Variants in TNFAIP3 observed in about 807,000 individuals in gnomAD.
TNFAIP3 encodes TNF alpha induced protein 3, also known as tumor necrosis factor alpha-induced protein 3.
In TNFAIP3, 9 loss-of-function variants were observed where a neutral mutation model predicts 72.4. That is an observed-to-expected ratio of 0.12 (90% confidence interval 0.07 to 0.22). The LOEUF (loss-of-function observed/expected upper bound fraction) is 0.22, where lower values mean the gene tolerates loss of function less well. TNFAIP3 is among the 10% of genes least tolerant of loss of function. The probability of loss-of-function intolerance (pLI) is 1.00; values close to 1 mark genes in which losing one functional copy is unlikely to be tolerated. For missense variants in TNFAIP3, 833 were observed against 1,018.7 expected (o/e 0.82, Z 2.48); for synonymous variants, 339 against 372.6 (o/e 0.91, Z 1.04).
Position 137,879,259 on chromosome 6 carries a change from G to C in TNFAIP3, c.1814G>C (p.Ser605Thr). Residue 605 changes from serine (S) to threonine (T), a missense_variant, in exon 7 of 9, where the codon AGC becomes ACC. Ser to Thr is a moderately conservative substitution (Grantham distance 58, BLOSUM62 1). Around this residue, in one of 2 missense-constraint regions of TNFAIP3, gnomAD observed 587 missense variants for 657.8 expected, o/e 0.89. Coordinates refer to ENST00000612899, the MANE Select transcript of TNFAIP3 (RefSeq NM_001270508.2). ...ACTCCTGGGGACAGGACGGGGACGAGCAAGTGCAGAAAAGCCGGCTGCGTG... is the reference window on the plus strand; with the variant it reads ...ACTCCTGGGGACAGGACGGGGACGACCAAGTGCAGAAAAGCCGGCTGCGTG... Reference protein sequence around the residue: ...ARTPGDRTGTSKCRKAGCVYF... With the variant: ...ARTPGDRTGTTKCRKAGCVYF... 1 of 1,614,208 alleles carries C rather than the reference G, an allele frequency of 6.2e-7. No individual in the cohort carries two copies.
chr6:137,869,111 G>A (rs954604207), intron 1 of TNFAIP3, among the ~76,000 whole-genome samples: 3 of 152,216 alleles, frequency 2.0e-5, no homozygotes, highest in Non-Finnish European at 4.4e-5. Flanking sequence ...GCAAGGGGCA[G>A]GTATTGAAAG....
chr6:137,881,040 G>C lies in TNFAIP3; in HGVS notation c.2094G>C (p.Ser698=). Residue 698 remains serine (S), a synonymous_variant, in exon 9 of 9, where the codon TCG becomes TCC. Coordinates refer to ENST00000612899, the MANE Select transcript of TNFAIP3 (RefSeq NM_001270508.2). This position sits in a 1 kb window ranked among gnomAD's most constrained non-coding sequence, Gnocchi z 5.0. ...EAKRTEEQLR[S]SQRRDVPRTT... is the part of the protein sequence containing the mutation. ...TGCCTGTTCTTTCCACTCAGAGATC[G>C]AGCCAGCGCAGAGATGTGCCTCGAA... 6.3e-7 allele frequency: 1 copy of C among 1,589,390 alleles called. No individual in the cohort carries two copies. The highest frequency in any genetic ancestry group is 8.6e-7 in the Non-Finnish European group (1 of 1,165,240).
rs5029941 is a variant in TNFAIP3, at chr6:137,874,923, C to T, written c.374C>T (p.Ala125Val). Reference sequence around the variant, plus strand: ...GACACAGACTTGGTACTGAGGAAGGCGCTGTTCAGCACGCTCAAGGAAACA... The same window carrying T: ...GACACAGACTTGGTACTGAGGAAGGTGCTGTTCAGCACGCTCAAGGAAACA... ...VQDTDLVLRK[A>V]LFSTLKETDT... Residue 125 changes from alanine (A) to valine (V), a missense_variant, in exon 3 of 9, where the codon GCG (alanine) becomes GTG (valine). By Grantham distance (64) the Ala-to-Val change is moderately conservative (BLOSUM62 0). Transcript: ENST00000612899. 1,509 of 1,614,222 alleles carry T rather than the reference C, an allele frequency of 9.3e-4. 15 individuals carry two copies. The African/African-American group carries it at 0.018, about 19-fold the overall frequency.
At chr6:137,868,856 G>T (rs1301194681) in intron 1 of TNFAIP3, among the ~76,000 whole-genome samples, 1 of 152,170 alleles carries the variant, frequency 6.6e-6, no homozygotes, top group Non-Finnish European at 1.5e-5. Context: ...GCTGTGCAAG[G>T]CTAACCCTAC....
Position 137,867,539 on chromosome 6 carries a change from AGAGGTAACCGCC to A in TNFAIP3, c.-17_-16+10del, listed in dbSNP as rs1431775723. The A allele has an allele frequency of 1.4e-5, 2 of 144,366 alleles. No homozygotes were observed. Among genetic ancestry groups the A allele is most frequent in the African/African-American group, 5.4e-5 (2 of 37,020 alleles). The allele number at this position is 144,366 out of a possible 1,614,324, so 8.9% of individuals were successfully genotyped here. On this transcript the variant is annotated splice_donor_variant and splice_donor_5th_base_variant and 5_prime_UTR_variant and intron_variant, in exon 1 of 9. Transcript: ENST00000612899. LOFTEE classifies it low-confidence loss of function (5UTR_SPLICE). This position sits in a 1 kb window ranked among gnomAD's most constrained non-coding sequence, Gnocchi z 6.0. ...GAGAGGTAACCGCCGCGCCTCCCGG[AGAGGTAACCGCC>A]GCGCCTCCCCGTGCCGTCTGCCTCG...
At chr6:137,876,694 G>A (rs568503286) in intron 5 of TNFAIP3, among the ~76,000 whole-genome samples, 1 of 152,314 alleles carries the variant, frequency 6.6e-6, no homozygotes, top group Non-Finnish European at 1.5e-5. Flanking sequence ...GCACTCTTGT[G>A]AGATGTAGGC....
rs1375583798 is a variant in TNFAIP3, at chr6:137,879,116, T to G, written c.1671T>G (p.Pro557=). The change falls in exon 7 of 9, where the codon CCT becomes CCG. Residue 557 remains proline, a synonymous_variant. Coordinates refer to ENST00000612899, the MANE Select transcript of TNFAIP3 (RefSeq NM_001270508.2). ...CCAGCCTCAGCACCAGCCTCCCTCC[T>G]TCCTGTCACCAGCGTTCCAAGTCAG... ...ASSSLSTSLP[P]SCHQRSKSDP... The G allele has an allele frequency of 6.2e-7, 1 of 1,614,000 alleles. No individual in the cohort carries two copies. Among genetic ancestry groups the G allele is most frequent in the African/African-American group, 1.3e-5 (1 of 74,896 alleles).
intron 6 of TNFAIP3, 105 bp downstream of exon 6, chr6:137,877,361 G>A (rs1279612784): frequency 9.8e-6 from 10 of 1,020,552 alleles, no homozygotes; most frequent in Non-Finnish European, 1.2e-5. Context: ...AGTGATTTGC[G>A]GCCAGTTTCT....
In TNFAIP3 at chr6:137,880,549, G is replaced by A. The variant is rs540144284; in HGVS notation, c.2088+297G>A. On this transcript the variant is annotated intron_variant, in intron 8 of 8. Coordinates refer to ENST00000612899, the MANE Select transcript of TNFAIP3 (RefSeq NM_001270508.2). ...TCCAAAAAGCCAGATGGTGATCAGAGGCTTCTTTGATTTGTAAGAGAAGCA... is the reference window on the plus strand; with the variant it reads ...TCCAAAAAGCCAGATGGTGATCAGAAGCTTCTTTGATTTGTAAGAGAAGCA... 2.8e-4 allele frequency among the ~76,000 whole-genome samples: 43 copies of A among 152,284 alleles called. No homozygotes were observed. The South Asian group carries it at 3.3e-3, about 12-fold the overall frequency.
At chr6:137,880,355 TTC>T in intron 8 of TNFAIP3, 103 bp downstream of exon 8, 1 of 1,234,094 alleles carries the variant, frequency 8.1e-7, no homozygotes, top group Non-Finnish European at 1.2e-6. Context: ...CTCTGCCAGG[TTC>T]TGTCTCCTCA....
In TNFAIP3 at chr6:137,881,092, T is replaced by G. The variant is rs745470461; in HGVS notation, c.2146T>G (p.Cys716Gly). The G allele has an allele frequency of 1.2e-6, 2 of 1,613,862 alleles. No individual in the cohort carries two copies. Among genetic ancestry groups the G allele is most frequent in the Non-Finnish European group, 1.7e-6 (2 of 1,179,944 alleles). The change falls in exon 9 of 9, where the codon TGC (cysteine) becomes GGC (glycine). Residue 716 changes from cysteine (C) to glycine (G), a missense_variant. This residue lies in a region of TNFAIP3 where 587 missense variants were observed against 657.8 expected (regional missense o/e 0.89). Transcript: ENST00000612899. The surrounding 1 kb of genome is among the most constrained non-coding windows in gnomAD (Gnocchi z 5.0). ...RTTQSTSRPK[C>G]ARASCKNILA... ...CACACAAAGCACCTCAAGGCCCAAGTGCGCCCGGGCCTCCTGCAAGAACAT... is the reference window on the plus strand; with the variant it reads ...CACACAAAGCACCTCAAGGCCCAAGGGCGCCCGGGCCTCCTGCAAGAACAT...
chr6:137,881,677 G>T lies in TNFAIP3; in HGVS notation c.*358G>T. The stretch of plus-strand genomic sequence containing the variant: ...GCATCAGGACTGCTTCATCGTCTTG[G>T]CTGAGAAAGGGAAAAGACACACAAG... On this transcript the variant is annotated 3_prime_UTR_variant, in exon 9 of 9. Transcript: ENST00000612899. The surrounding 1 kb of genome is among the most constrained non-coding windows in gnomAD (Gnocchi z 5.0). 3.7e-6 allele frequency: 1 copy of T among 268,458 alleles called. No individual in the cohort carries two copies. Among genetic ancestry groups the T allele is most frequent in the Middle Eastern group, 1.0e-3 (1 of 994 alleles). 16.6% of individuals were successfully genotyped at this position (268,458 alleles called of 1,614,324 possible).
Position 137,871,274 on chromosome 6 carries a change from G to A in TNFAIP3, c.47G>A (p.Arg16Gln), listed in dbSNP as rs759654484. 1.2e-5 allele frequency: 20 copies of A among 1,613,880 alleles called. No individual in the cohort carries two copies. The highest frequency in any genetic ancestry group is 1.5e-5 in the Non-Finnish European group (18 of 1,180,016). Residue 16 changes from arginine (R) to glutamine (Q), a missense_variant, in exon 2 of 9, where the codon CGG becomes CAG. Around this residue, in one of 2 missense-constraint regions of TNFAIP3, gnomAD observed 246 missense variants for 360.9 expected, o/e 0.68. Transcript: ENST00000612899. This position sits in a 1 kb window ranked among gnomAD's most constrained non-coding sequence, Gnocchi z 4.2. The stretch of plus-strand genomic sequence containing the variant: ...CAGGCTTTGTATTTGAGCAATATGC[G>A]GAAAGCTGTGAAGATACGGGAGAGA... ...LPQALYLSNM[R>Q]KAVKIRERTP...
chr6:137,879,103 C>G lies in TNFAIP3; in HGVS notation c.1658C>G (p.Thr553Ser). Residue 553 changes from threonine (T) to serine (S), a missense_variant, in exon 7 of 9, where the codon ACC becomes AGC. Transcript: ENST00000612899. ...GCAGAGGCCTCCTCCAGCCTCAGCA[C>G]CAGCCTCCCTCCTTCCTGTCACCAG... ...TTAEASSSLS[T>S]SLPPSCHQRS... 6.2e-7 allele frequency: 1 copy of G among 1,614,198 alleles called. No homozygotes were observed. The highest frequency in any genetic ancestry group is 8.5e-7 in the Non-Finnish European group (1 of 1,180,036).
In TNFAIP3 at chr6:137,871,243, C is replaced by A. The variant is rs2114457420; in HGVS notation, c.16C>A (p.Leu6Ile). The change falls in exon 2 of 9, where the codon CTT (leucine) becomes ATT (isoleucine). Residue 6 changes from leucine to isoleucine, a missense_variant. Coordinates refer to ENST00000612899, the MANE Select transcript of TNFAIP3 (RefSeq NM_001270508.2). This position sits in a 1 kb window ranked among gnomAD's most constrained non-coding sequence, Gnocchi z 4.2. Reference protein sequence around the residue: MAEQVLPQALYLSNMR... With the variant: MAEQVIPQALYLSNMR... ...GGAGAGCACAATGGCTGAACAAGTC[C>A]TTCCTCAGGCTTTGTATTTGAGCAA... 1 of 1,612,104 alleles carries A rather than the reference C, an allele frequency of 6.2e-7. No homozygotes were observed. Among genetic ancestry groups the A allele is most frequent in the African/African-American group, 1.3e-5 (1 of 74,874 alleles).
rs1286193367 is a variant in TNFAIP3, at chr6:137,878,854, T to C, written c.1409T>C (p.Phe470Ser). The C allele has an allele frequency of 1.2e-6, 2 of 1,614,056 alleles. No homozygotes were observed. Among genetic ancestry groups the C allele is most frequent in the South Asian group, 1.1e-5 (1 of 91,074 alleles). The change falls in exon 7 of 9, where the codon TTC (phenylalanine) becomes TCC (serine). Residue 470 changes from phenylalanine to serine, a missense_variant. This residue lies in a region of TNFAIP3 where 587 missense variants were observed against 657.8 expected (regional missense o/e 0.89). Coordinates refer to ENST00000612899, the MANE Select transcript of TNFAIP3 (RefSeq NM_001270508.2). Reference sequence around the variant, plus strand: ...CCGACAGCACCCAGCCCTTTTCTGTTCAGTGAGACCACTGCCATGAAGTGC... The same window carrying C: ...CCGACAGCACCCAGCCCTTTTCTGTCCAGTGAGACCACTGCCATGAAGTGC... ...APPTAPSPFLFSETTAMKCRS... is the reference protein window; with the variant it reads ...APPTAPSPFLSSETTAMKCRS...
chr6:137,879,931 A>G, intron 7 of TNFAIP3, 140 bp from the exon 8 acceptor site: 2 of 643,834 alleles, frequency 3.1e-6, no homozygotes, highest in Non-Finnish European at 5.2e-6. Flanking sequence ...TATAGACTTA[A>G]ACATATACAT....
At chr6:137,874,123 A>T (rs1469485567) in intron 2 of TNFAIP3, among the ~76,000 whole-genome samples, 1 of 152,234 alleles carries the variant, frequency 6.6e-6, no homozygotes, top group Admixed American at 6.5e-5. Flanking sequence ...TCAAAATGTT[A>T]GCCCTAAACA....
chr6:137,880,244 G>A lies in TNFAIP3; in HGVS notation c.2080G>A (p.Glu694Lys). 2 of 1,614,126 alleles carry A rather than the reference G, an allele frequency of 1.2e-6. No individual in the cohort carries two copies. Among genetic ancestry groups the A allele is most frequent in the African/African-American group, 2.7e-5 (2 of 75,030 alleles). Reference sequence around the variant, plus strand: ...ATTTCATGAGGCCAAAAGGACAGAAGAGCAACTGGTGAGACACTTGGAGGA... The same window carrying A: ...ATTTCATGAGGCCAAAAGGACAGAAAAGCAACTGGTGAGACACTTGGAGGA... Reference protein sequence around the residue: ...QRFHEAKRTEEQLRSSQRRDV... With the variant: ...QRFHEAKRTEKQLRSSQRRDV... Residue 694 changes from glutamate to lysine, a missense_variant, in exon 8 of 9, where the codon GAG (glutamate) becomes AAG (lysine). Around this residue, in one of 2 missense-constraint regions of TNFAIP3, gnomAD observed 587 missense variants for 657.8 expected, o/e 0.89. Coordinates refer to ENST00000612899, the MANE Select transcript of TNFAIP3 (RefSeq NM_001270508.2).
Sources: gnomAD v4.1 joint callset for allele counts (sites outside exome capture counted in the v4.1 genomes callset) on GRCh38, gnomAD v4.1.1 for gene constraint, gnomAD v4.1.1 regional missense constraint, Gnocchi (gnomAD v3.1) non-coding constraint, MANE v1.5 for transcripts, NCBI Gene and HGNC (gene_info 2026-07-23, HGNC 2026-07-21) for gene names.